RUBCNL: variants seen among roughly 807,000 people sequenced by gnomAD.
RUBCNL encodes rubicon like autophagy enhancer.
A neutral mutation model predicts 69.5 loss-of-function variants in RUBCNL; 62 were observed. The observed-to-expected ratio is 0.89, with a 90% CI of 0.73 to 1.10. The LOEUF (loss-of-function observed/expected upper bound fraction) is 1.10, where lower values mean the gene tolerates loss of function less well. Among genes scored for constraint, RUBCNL ranks in the 50% least tolerant of loss-of-function variants. RUBCNL has a pLI of 0.00. For missense variants in RUBCNL, 768 were observed against 798.1 expected, an observed-to-expected ratio of 0.96 and a Z score of 0.45; for synonymous variants, 291 against 303.6, an observed-to-expected ratio of 0.96 and a Z score of 0.43.
In RUBCNL at chr13:46,341,430, A is replaced by G. The variant is rs750286004; in HGVS notation, c.*1955T>C. ...TTCCTGGGAAGAAGCCTCTATTATC[A>G]CATTGGAGAGGAACAAAGTCTCAGA... On this transcript the variant is annotated 3_prime_UTR_variant, in exon 15 of 15. Transcript: ENST00000429979. Among the ~76,000 whole-genome samples, 1 of 152,182 alleles carries G rather than the reference A, an allele frequency of 6.6e-6. No homozygotes were observed. The highest frequency in any genetic ancestry group is 1.5e-5 in the Non-Finnish European group (1 of 68,026).
At chr13:46,348,628 G>T (rs889232154) in intron 12 of RUBCNL, among the ~76,000 whole-genome samples, 1 of 143,756 alleles carries the variant, frequency 7.0e-6, no homozygotes. Context: ...TTTTTGAGAC[G>T]GAATCTCGTT....
chr13:46,383,021 T>C (rs187406247), intron 1 of RUBCNL, among the ~76,000 whole-genome samples: 3 of 152,336 alleles, frequency 2.0e-5, no homozygotes, highest in Admixed American at 1.3e-4. Context: ...ATAGAAATAA[T>C]TGGTAGAATT....
At chr13:46,387,309 G>A (rs1208920802), upstream of RUBCNL, 1 of 985,466 alleles carries the variant, frequency 1.0e-6, no homozygotes, top group Non-Finnish European at 1.2e-6. Context: ...CACGCCCCCC[G>A]CCTCCCACAC....
intron 3 of RUBCNL, among the ~76,000 whole-genome samples, chr13:46,371,543 G>A (rs2048874588): frequency 6.6e-6 from 1 of 152,148 alleles, no homozygotes; most frequent in African/African-American, 2.4e-5. Flanking sequence ...AACAAGTGAA[G>A]TGACTTCACC....
At chr13:46,355,294 C>CTTTT (rs34432929) in intron 10 of RUBCNL, among the ~76,000 whole-genome samples, 1 of 126,484 alleles carries the variant, frequency 7.9e-6, no homozygotes, top group Non-Finnish European at 1.6e-5. Flanking sequence ...AAAGCCCGAG[C>CTTTT]TTTTTTTTTT....
chr13:46,367,906 T>C lies in RUBCNL; in HGVS notation c.826+136A>G, dbSNP rs1044879053. The C allele has an allele frequency of 1.0e-5, 8 of 799,856 alleles. No individual in the cohort carries two copies. In the Admixed American group the frequency reaches 1.4e-4, roughly 14 times the overall value. 49.5% of individuals were successfully genotyped at this position (799,856 alleles called of 1,614,324 possible). A position where few individuals can be genotyped will look rare whatever the true frequency, so the allele number is the denominator to read the frequency against. On this transcript the variant is annotated intron_variant, in intron 5 of 14. Coordinates refer to ENST00000429979, the MANE Select transcript of RUBCNL (RefSeq NM_025113.5). ...AAGAACAAAAAAAAAGTAGTGTATA[T>C]AGAGTTTGGTACTATCTGAAGGTTC...
At chr13:46,381,037 T>C (rs1018205284) in intron 1 of RUBCNL, among the ~76,000 whole-genome samples, 4 of 152,286 alleles carry the variant, frequency 2.6e-5, no homozygotes, top group Middle Eastern at 3.4e-3. Flanking sequence ...GAAAGCCATA[T>C]TGGAAAAATG....
chr13:46,352,761 G>A (rs1566068589), intron 10 of RUBCNL, among the ~76,000 whole-genome samples: 2 of 151,700 alleles, frequency 1.3e-5, no homozygotes, highest in African/African-American at 2.4e-5. Context: ...CCAAGATTGC[G>A]CCATTGCGCT....
intron 7 of RUBCNL, among the ~76,000 whole-genome samples, chr13:46,362,126 A>C (rs892487518): frequency 2.6e-5 from 4 of 151,840 alleles, no homozygotes; most frequent in African/African-American, 9.7e-5. Context: ...AATCCCAGCT[A>C]TTCAGGAGGC....
In RUBCNL at chr13:46,387,149, C is replaced by T. The variant is rs2049268206; in HGVS notation, c.-254G>A. The T allele has an allele frequency of 1.0e-6, 1 of 985,464 alleles. No individual in the cohort carries two copies. The highest frequency in any genetic ancestry group is 1.2e-6 in the Non-Finnish European group (1 of 829,980). 61.0% of individuals were successfully genotyped at this position (985,464 alleles called of 1,614,324 possible). On this transcript the variant is annotated 5_prime_UTR_variant, in exon 1 of 15. Coordinates refer to ENST00000429979, the MANE Select transcript of RUBCNL (RefSeq NM_025113.5). ...CCAGCCTCACCCAGCCAAACCCGAG[C>T]GGTGGAACGCTGCGCTGGGTAAACG...
intron 6 of RUBCNL, 129 bp from the exon 7 acceptor site, chr13:46,362,727 C>A: frequency 1.6e-6 from 1 of 642,624 alleles, no homozygotes; most frequent in Non-Finnish European, 2.8e-6. Context: ...CATCTCCATG[C>A]TTCAGGTTCT....
At chr13:46,368,641 T>G (rs950490358) in intron 4 of RUBCNL, 92 bp downstream of exon 4, 2 of 1,310,894 alleles carry the variant, frequency 1.5e-6, no homozygotes, top group East Asian at 2.4e-5. Flanking sequence ...TTTGTAATGA[T>G]TCATCAAATT....
chr13:46,377,092 A>G (rs1243213205), intron 2 of RUBCNL, among the ~76,000 whole-genome samples: 1 of 152,164 alleles, frequency 6.6e-6, no homozygotes, highest in Non-Finnish European at 1.5e-5. Context: ...AGTTCATGAT[A>G]GCCTCATTAT....
At position 46,346,574 on chromosome 13, in the gene RUBCNL, T is replaced by A. The variant is rs966892810; in HGVS notation, c.1632-974A>T. On this transcript the variant is annotated intron_variant, in intron 12 of 14. Transcript: ENST00000429979. ...TGAAGCCCAGAATGGATATTCAAGA[T>A]TTTTTGTACAAGGTAGGAAGTATAG... Among the ~76,000 whole-genome samples the A allele has an allele frequency of 3.3e-5, 5 of 152,162 alleles. No homozygotes were observed. The East Asian group carries it at 9.6e-4, about 29-fold the overall frequency.
chr13:46,385,269 C>T, intron 1 of RUBCNL: 1 of 984,000 alleles, frequency 1.0e-6, no homozygotes, highest in Non-Finnish European at 1.2e-6. Context: ...TTTTATTTTC[C>T]AGCTTCTTAA....
intron 1 of RUBCNL, among the ~76,000 whole-genome samples, chr13:46,379,748 G>A (rs1259251228): frequency 1.3e-5 from 2 of 152,180 alleles, no homozygotes; most frequent in African/African-American, 4.8e-5. Context: ...AACAAATACT[G>A]AGTAGAGCAT....
intron 3 of RUBCNL, among the ~76,000 whole-genome samples, chr13:46,370,218 A>G (rs1566083857): frequency 1.3e-5 from 2 of 152,230 alleles, no homozygotes; most frequent in Non-Finnish European, 2.9e-5. Context: ...TTAAATTGGG[A>G]TATTTATCAG....
At chr13:46,357,216 C>A (rs1486444945) in intron 9 of RUBCNL, among the ~76,000 whole-genome samples, 2 of 151,396 alleles carry the variant, frequency 1.3e-5, no homozygotes, top group Non-Finnish European at 2.9e-5. Context: ...ACCTGTGGTC[C>A]CAGCTACTTC....
chr13:46,350,188 C>T lies in RUBCNL; in HGVS notation c.1494G>A (p.Trp498Ter). The change falls in exon 11 of 15, where the codon TGG (tryptophan) becomes TGA (stop). Residue 498 changes from tryptophan to a stop codon, truncating the protein, a stop_gained. Transcript: ENST00000429979. LOFTEE classifies it high-confidence loss of function. The part of the protein sequence containing the change: ...NFSKQLLDSI[W>*]HQPIFNLLSI... ...TCAGCAAATTGAAAATGGGCTGGTG[C>T]CATATGCTGTCGAGCAGCTGTTTGG... is the stretch of plus-strand genomic sequence containing the variant. The T allele has an allele frequency of 6.3e-7, 1 of 1,590,348 alleles. No individual in the cohort carries two copies. Among genetic ancestry groups the T allele is most frequent in the Non-Finnish European group, 8.6e-7 (1 of 1,168,004 alleles).
Sources: allele counts gnomAD v4.1 joint callset (sites outside exome capture counted in the v4.1 genomes callset), GRCh38; gene constraint gnomAD v4.1.1; transcripts MANE v1.5; gene names NCBI Gene and HGNC (gene_info 2026-07-23, HGNC 2026-07-21).